The following GPC6 variants were observed in gnomAD, a reference collection of about 807,000 sequenced individuals.
The protein encoded by GPC6 is glypican 6, also known as glypican-6.
In GPC6, 14 loss-of-function variants were observed where a neutral mutation model predicts 55.2. The observed-to-expected ratio is 0.25, with a 90% CI of 0.17 to 0.40. The LOEUF (loss-of-function observed/expected upper bound fraction) is 0.40. GPC6 is among the 10% of genes least tolerant of loss of function. The pLI is 1.00. For synonymous variants in GPC6, 278 were observed against 259.6 expected (o/e 1.07, Z -0.68); for missense variants, 641 against 708.5 (o/e 0.90, Z 1.08).
At chr13:93,380,174 G>C (rs1875098854) in intron 1 of GPC6, among the ~76,000 whole-genome samples, 1 of 152,036 alleles carries the variant, frequency 6.6e-6, no homozygotes, top group African/African-American at 2.4e-5. Context: ...AAAATATATA[G>C]TAAGTTTTAA....
chr13:93,595,008 A>G (rs982952648), intron 2 of GPC6, among the ~76,000 whole-genome samples: 10 of 152,116 alleles, frequency 6.6e-5, no homozygotes, highest in African/African-American at 2.4e-4. Flanking sequence ...AGCAACCAAT[A>G]GGGCCTTGTT....
intron 1 of GPC6, among the ~76,000 whole-genome samples, chr13:93,346,756 T>G (rs942234539): frequency 2.0e-5 from 3 of 152,202 alleles, no homozygotes; most frequent in Non-Finnish European, 2.9e-5. Context: ...GTTTTCTACA[T>G]GGGTTTTAGT....
rs183527006 is a variant in GPC6 at position 94,066,816 on chromosome 13, G to A, written c.877+38922G>A. Among the ~76,000 whole-genome samples the A allele has an allele frequency of 4.6e-5, 7 of 152,218 alleles. No homozygotes were observed. In the East Asian group the frequency reaches 1.2e-3, roughly 25 times the overall value. On this transcript the variant is annotated intron_variant, in intron 4 of 8. Transcript: ENST00000377047. The stretch of plus-strand genomic sequence containing the variant: ...ACTACCAACCACTTTCCCTTTATAA[G>A]GTAGGTATAAAAGCTAAGTATCTGA...
At chr13:93,605,772 G>A (rs1262149907) in intron 2 of GPC6, among the ~76,000 whole-genome samples, 4 of 151,134 alleles carry the variant, frequency 2.6e-5, no homozygotes, top group Admixed American at 6.6e-5. Flanking sequence ...AACCCAGGAG[G>A]TGGAGGTTGG....
At chr13:93,921,323 T>C (rs746082887) in intron 3 of GPC6, among the ~76,000 whole-genome samples, 2 of 152,184 alleles carry the variant, frequency 1.3e-5, no homozygotes, top group Non-Finnish European at 2.9e-5. Flanking sequence ...CATCTTACAG[T>C]GCTCCTTTAT....
Position 93,227,334 on chromosome 13 carries a change from A to AG in GPC6, c.-118dup. 1 of 911,318 alleles carries AG rather than the reference A, an allele frequency of 1.1e-6. No homozygotes were observed. Among genetic ancestry groups the AG allele is most frequent in the Non-Finnish European group, 1.7e-6 (1 of 587,568 alleles). The allele number at this position is 911,318 out of a possible 1,614,324, so 56.5% of individuals were successfully genotyped here. A position where few individuals can be genotyped will look rare whatever the true frequency, so the allele number is the denominator to read the frequency against. On this transcript the variant is annotated 5_prime_UTR_variant, in exon 1 of 9. Coordinates refer to ENST00000377047, the MANE Select transcript of GPC6 (RefSeq NM_005708.5). The surrounding 1 kb of genome is among the most constrained non-coding windows in gnomAD (Gnocchi z 4.3). Reference sequence around the variant, plus strand: ...GCTGCTCGTCCCCTCGGCTGGCAGAAGGGGGTGACGCTGGGCAGCGGCGAG... The same window carrying AG: ...GCTGCTCGTCCCCTCGGCTGGCAGAAGGGGGGTGACGCTGGGCAGCGGCGAG...
intron 4 of GPC6, among the ~76,000 whole-genome samples, chr13:94,202,401 C>T (rs544919728): frequency 6.6e-6 from 1 of 152,244 alleles, no homozygotes; most frequent in African/African-American, 2.4e-5. Flanking sequence ...CTGGGGAAGT[C>T]TCACAAACAT....
At chr13:93,907,602 TATTAAC>T (rs1322596482) in intron 3 of GPC6, among the ~76,000 whole-genome samples, 1 of 152,142 alleles carries the variant, frequency 6.6e-6, no homozygotes, top group Non-Finnish European at 1.5e-5. Context: ...TTTAAACTCT[TATTAAC>T]ATTTATAGGT....
intron 3 of GPC6, among the ~76,000 whole-genome samples, chr13:93,882,357 G>A (rs1488867258): frequency 6.6e-6 from 1 of 151,882 alleles, no homozygotes; most frequent in African/African-American, 2.4e-5. Context: ...ATGTTGCCCA[G>A]GCTGGTCTCA....
chr13:93,579,818 T>C (rs944631349), intron 2 of GPC6, among the ~76,000 whole-genome samples: 1 of 152,128 alleles, frequency 6.6e-6, no homozygotes, highest in African/African-American at 2.4e-5. Context: ...TTGTTGGTAA[T>C]AGATTGGAAG....
At chr13:93,289,243 G>A (rs1246243347) in intron 1 of GPC6, among the ~76,000 whole-genome samples, 1 of 152,156 alleles carries the variant, frequency 6.6e-6, no homozygotes, top group Non-Finnish European at 1.5e-5. Flanking sequence ...TAACCTGGGA[G>A]TCAGAATGCC....
At chr13:94,182,973 T>G (rs1889046595) in intron 4 of GPC6, among the ~76,000 whole-genome samples, 1 of 152,178 alleles carries the variant, frequency 6.6e-6, no homozygotes, top group Non-Finnish European at 1.5e-5. Context: ...AGACAAGGTC[T>G]CACTGTGTTG....
At chr13:93,251,719 T>C (rs1020950936) in intron 1 of GPC6, among the ~76,000 whole-genome samples, 3 of 152,182 alleles carry the variant, frequency 2.0e-5, no homozygotes, top group African/African-American at 7.2e-5. Flanking sequence ...TGATAAGAAA[T>C]CTTCCTATTC....
At chr13:93,547,688 G>A (rs891518829) in intron 2 of GPC6, among the ~76,000 whole-genome samples, 3 of 151,378 alleles carry the variant, frequency 2.0e-5, no homozygotes, top group African/African-American at 7.3e-5. Flanking sequence ...GAGAAATTAA[G>A]ATTTTGTTTT....
chr13:94,308,740 A>G (rs915759901), intron 6 of GPC6, among the ~76,000 whole-genome samples: 14 of 152,216 alleles, frequency 9.2e-5, no homozygotes, highest in Admixed American at 5.9e-4. Flanking sequence ...ACAGCCAGCC[A>G]TAAGCCCACT....
chr13:93,952,633 A>ATATG (rs200142825), intron 3 of GPC6, among the ~76,000 whole-genome samples: 1,746 of 150,316 alleles, frequency 0.012, 35 homozygotes, highest in African/African-American at 0.041. Flanking sequence ...GTGTCTGTAT[A>ATATG]TATGTATGTG....
chr13:93,423,455 T>G (rs1308750293), intron 1 of GPC6, among the ~76,000 whole-genome samples: 2 of 152,222 alleles, frequency 1.3e-5, no homozygotes, highest in African/African-American at 4.8e-5. Flanking sequence ...TTTCAGAATT[T>G]TTTCCTTTTT....
At chr13:93,667,439 T>TG (rs1566476929) in intron 2 of GPC6, among the ~76,000 whole-genome samples, 1 of 142,168 alleles carries the variant, frequency 7.0e-6, no homozygotes, top group Non-Finnish European at 1.5e-5. Flanking sequence ...AGTTCTGGAT[T>TG]TTTTTTTTTT....
intron 3 of GPC6, 174 bp downstream of exon 3, chr13:93,830,719 G>T (rs769747322): frequency 1.9e-5 from 12 of 634,198 alleles, no homozygotes; most frequent in Admixed American, 3.0e-5. Context: ...TCTTTTCCTT[G>T]CATTGTGTGA....
Sources: gnomAD v4.1 joint callset for allele counts (sites outside exome capture counted in the v4.1 genomes callset) on GRCh38, gnomAD v4.1.1 for gene constraint, Gnocchi (gnomAD v3.1) non-coding constraint, MANE v1.5 for transcripts, NCBI Gene and HGNC (gene_info 2026-07-23, HGNC 2026-07-21) for gene names.